Variants in NAPEPLD observed in about 807,000 individuals in gnomAD.
The protein encoded by NAPEPLD is N-acyl phosphatidylethanolamine phospholipase D, also known as N-acyl-phosphatidylethanolamine-hydrolyzing phospholipase D.
NAPEPLD carries 23 observed loss-of-function variants against 38.1 expected under a neutral mutation model. The observed-to-expected ratio is 0.60, with a 90% confidence interval of 0.43 to 0.86. The LOEUF is 0.86. NAPEPLD is among the 40% of genes least tolerant of loss of function. The pLI, the probability that NAPEPLD is intolerant of heterozygous loss-of-function variation, is 0.00. For missense variants in NAPEPLD, 411 were observed against 476.8 expected, an observed-to-expected ratio of 0.86 and a Z score of 1.28; for synonymous variants, 147 against 162.0, an observed-to-expected ratio of 0.91 and a Z score of 0.71.
chr7:103,149,419 C>T (rs1252044428), upstream of NAPEPLD: 3 of 1,236,288 alleles, frequency 2.4e-6, no homozygotes, highest in African/African-American at 3.3e-5. Flanking sequence ...GAGCCCGCCG[C>T]GCTGGCTCCG....
rs1806279534 is a variant in NAPEPLD, at chr7:103,119,849, G to C, written c.669C>G (p.Gly223=). Residue 223 remains glycine (G), a synonymous_variant, in exon 3 of 5, where the codon GGC becomes GGG. Transcript: ENST00000465647. ...AGTCCAACTCAATCACATTCTCACA[G>C]CCACATTTTTGCATCCAGTCAAGGA... is the stretch of plus-strand genomic sequence containing the variant. ...LGLLDWMQKC[G]CENVIELDWW... is the part of the protein sequence containing the mutation. The C allele has an allele frequency of 6.2e-7, 1 of 1,613,986 alleles. No homozygotes were observed. The highest frequency in any genetic ancestry group is 1.3e-5 in the African/African-American group (1 of 74,888).
rs753989417 is a variant in NAPEPLD at position 103,128,664 on chromosome 7, C to T, written c.113G>A (p.Arg38Lys). The T allele has an allele frequency of 6.2e-7, 1 of 1,614,102 alleles. No individual in the cohort carries two copies. The highest frequency in any genetic ancestry group is 8.5e-7 in the Non-Finnish European group (1 of 1,180,014). ...ARNSGASDSSRFSRKSFKLDY... is the reference protein window; with the variant it reads ...ARNSGASDSSKFSRKSFKLDY... ...CAGTTTGAAGCTTTTCCTAGAAAACCTAGAAGAATCACTTGCTCCGGAATT... is the reference window on the plus strand; with the variant it reads ...CAGTTTGAAGCTTTTCCTAGAAAACTTAGAAGAATCACTTGCTCCGGAATT... Residue 38 changes from arginine (R) to lysine (K), a missense_variant, in exon 2 of 5, where the codon AGG becomes AAG. Transcript: ENST00000465647.
At chr7:103,128,417 G>A in intron 2 of NAPEPLD, 66 bp downstream of exon 2, 1 of 1,554,082 alleles carries the variant, frequency 6.4e-7, no homozygotes, top group South Asian at 1.2e-5. Context: ...ATATACAAGG[G>A]CTCAAATAAC....
intron 4 of NAPEPLD, among the ~76,000 whole-genome samples, chr7:103,112,790 G>C (rs905979664): frequency 1.4e-4 from 21 of 151,586 alleles, no homozygotes; most frequent in African/African-American, 5.1e-4. Flanking sequence ...TATCCTCTCT[G>C]AAGATTATAT....
upstream of NAPEPLD, chr7:103,149,427 C>T: frequency 1.6e-6 from 2 of 1,241,334 alleles, no homozygotes; most frequent in Non-Finnish European, 2.1e-6. Flanking sequence ...CGCGCTGGCT[C>T]CGCCGAGGAC....
intron 1 of NAPEPLD, among the ~76,000 whole-genome samples, chr7:103,130,279 AAG>A (rs1585874981): frequency 6.6e-6 from 1 of 152,232 alleles, no homozygotes; most frequent in Admixed American, 6.5e-5. Context: ...TGTCTAGAGT[AAG>A]CAGTCTGTAA....
rs201494239 is a variant in NAPEPLD, at chr7:103,119,853, C to T, written c.665G>A (p.Cys222Tyr). ...PLGLLDWMQK[C>Y]GCENVIELDW... Reference sequence around the variant, plus strand: ...CAACTCAATCACATTCTCACAGCCACATTTTTGCATCCAGTCAAGGAGACC... The same window carrying T: ...CAACTCAATCACATTCTCACAGCCATATTTTTGCATCCAGTCAAGGAGACC... Residue 222 changes from cysteine (C) to tyrosine (Y), a missense_variant, in exon 3 of 5, where the codon TGT (cysteine) becomes TAT (tyrosine). Physicochemically the swap from Cys to Tyr is radical, Grantham distance 194. Transcript: ENST00000465647. 195 of 1,614,076 alleles carry T rather than the reference C, an allele frequency of 1.2e-4. No individual in the cohort carries two copies. Among genetic ancestry groups the T allele is most frequent in the Non-Finnish European group, 1.6e-4 (186 of 1,180,050 alleles).
intron 3 of NAPEPLD, among the ~76,000 whole-genome samples, chr7:103,117,050 C>T (rs186242193): frequency 6.6e-5 from 10 of 152,298 alleles, no homozygotes; most frequent in Admixed American, 5.9e-4. Context: ...GCCTTCCAAG[C>T]CATCAGTTTC....
intron 1 of NAPEPLD, among the ~76,000 whole-genome samples, chr7:103,137,983 T>C (rs988749215): frequency 3.9e-5 from 1 of 25,628 alleles, no homozygotes. Context: ...TTGCTTTTTT[T>C]CTTTTTTTTT....
At chr7:103,147,315 C>T (rs1217270212) in intron 1 of NAPEPLD, among the ~76,000 whole-genome samples, 2 of 152,220 alleles carry the variant, frequency 1.3e-5, no homozygotes, top group African/African-American at 4.8e-5. Context: ...ATTATACATA[C>T]AGTTCATTTC....
intron 1 of NAPEPLD, among the ~76,000 whole-genome samples, chr7:103,142,286 G>C (rs1811571897): frequency 6.6e-6 from 1 of 151,780 alleles, no homozygotes; most frequent in African/African-American, 2.4e-5. Flanking sequence ...AGTGGGATGG[G>C]AAGACTAACC....
intron 4 of NAPEPLD, among the ~76,000 whole-genome samples, chr7:103,113,278 C>G (rs1430315963): frequency 6.6e-6 from 1 of 152,198 alleles, no homozygotes; most frequent in Non-Finnish European, 1.5e-5. Flanking sequence ...CATTTATCCT[C>G]CCCACAACCC....
intron 1 of NAPEPLD, among the ~76,000 whole-genome samples, chr7:103,132,665 G>A (rs190530422): frequency 1.1e-3 from 169 of 152,250 alleles, no homozygotes; most frequent in African/African-American, 3.6e-3. Flanking sequence ...CCACTGTGGT[G>A]TTGCAGGCCT....
chr7:103,143,704 C>T (rs1811956319), intron 1 of NAPEPLD, among the ~76,000 whole-genome samples: 1 of 152,210 alleles, frequency 6.6e-6, no homozygotes. Context: ...AACTGTCCAA[C>T]TTTGGACTTC....
chr7:103,135,707 C>T (rs563715090), intron 1 of NAPEPLD, among the ~76,000 whole-genome samples: 25 of 150,002 alleles, frequency 1.7e-4, no homozygotes, highest in African/African-American at 2.4e-4. Context: ...AGAACATACA[C>T]GCATAATATA....
intron 4 of NAPEPLD, among the ~76,000 whole-genome samples, chr7:103,106,078 T>C (rs937258387): frequency 6.6e-6 from 1 of 151,532 alleles, no homozygotes; most frequent in African/African-American, 2.4e-5. Flanking sequence ...AGACAGTGGG[T>C]GCAGCCCACG....
intron 3 of NAPEPLD, among the ~76,000 whole-genome samples, chr7:103,117,428 T>C (rs949340477): frequency 1.3e-5 from 2 of 152,206 alleles, no homozygotes; most frequent in East Asian, 3.8e-4. Context: ...CCACCTGAAA[T>C]AGATTTAAAT....
Position 103,103,569 on chromosome 7 carries a change from A to G in NAPEPLD, c.1057-15T>C. The G allele has an allele frequency of 6.4e-7, 1 of 1,567,036 alleles. No individual in the cohort carries two copies. The highest frequency in any genetic ancestry group is 8.6e-7 in the Non-Finnish European group (1 of 1,167,564). On this transcript the variant is annotated splice_polypyrimidine_tract_variant and intron_variant, in intron 4 of 4. Coordinates refer to ENST00000465647, the MANE Select transcript of NAPEPLD (RefSeq NM_001122838.3). Reference sequence around the variant, plus strand: ...TCTAAGTAATGCTGGCCAAAGAGAAAGAAGAAAAATAGAAAAAGATTAAAC... The same window carrying G: ...TCTAAGTAATGCTGGCCAAAGAGAAGGAAGAAAAATAGAAAAAGATTAAAC...
At chr7:103,148,547 A>G (rs1205296271) in intron 1 of NAPEPLD, among the ~76,000 whole-genome samples, 1 of 151,668 alleles carries the variant, frequency 6.6e-6, no homozygotes, top group African/African-American at 2.4e-5. Flanking sequence ...ATAATACCCA[A>G]TTTATAAGAA....
Sources: allele counts gnomAD v4.1 joint callset (sites outside exome capture counted in the v4.1 genomes callset), GRCh38; gene constraint gnomAD v4.1.1; transcripts MANE v1.5; gene names NCBI Gene and HGNC (gene_info 2026-07-23, HGNC 2026-07-21).